TBC1D16: variants seen among roughly 807,000 people sequenced by gnomAD.
TBC1D16 encodes the protein CTD-2529O21.1.
A neutral mutation model predicts 74.7 loss-of-function variants in TBC1D16; 58 were observed. The ratio of observed to expected loss-of-function variants is 0.78; its 90% CI spans 0.63 to 0.97. TBC1D16 has a LOEUF of 0.97. Ranked by LOEUF, TBC1D16 falls within the 50% of genes least tolerant of loss-of-function variation. TBC1D16 has a pLI of 0.00. For synonymous variants in TBC1D16, 493 were observed against 474.7 expected (o/e 1.04, Z -0.50); for missense variants, 1,014 against 1,079.5 (o/e 0.94, Z 0.85).
At position 79,971,172 on chromosome 17, in the gene TBC1D16, A is replaced by G. The variant is rs2034086343; in HGVS notation, c.780-18354T>C. Among the ~76,000 whole-genome samples, 2 of 151,926 alleles carry G rather than the reference A, an allele frequency of 1.3e-5. No individual in the cohort carries two copies. The highest frequency in any genetic ancestry group is 6.6e-5 in the Admixed American group (1 of 15,254). On this transcript the variant is annotated intron_variant, in intron 3 of 11. Transcript: ENST00000310924. This position sits in a 1 kb window ranked among gnomAD's most constrained non-coding sequence, Gnocchi z 4.6. Reference sequence around the variant, plus strand: ...TGAGTAGCTGGGATTACAGGCGTGCACCACCAAGCCCGGCTAATTTGTGTA... The same window carrying G: ...TGAGTAGCTGGGATTACAGGCGTGCGCCACCAAGCCCGGCTAATTTGTGTA...
At chr17:80,033,615 C>T (rs577307422) in intron 1 of TBC1D16, among the ~76,000 whole-genome samples, 1 of 152,156 alleles carries the variant, frequency 6.6e-6, no homozygotes, top group Non-Finnish European at 1.5e-5. Flanking sequence ...TCAAGTGATT[C>T]TCCCAAAATA....
At chr17:79,943,916 CCT>C in intron 10 of TBC1D16, 1 of 1,416,120 alleles carries the variant, frequency 7.1e-7, no homozygotes, top group Non-Finnish European at 9.2e-7. Context: ...GGGAATGAAG[CCT>C]CTCAGACCGT....
At chr17:79,957,652 A>G (rs557520647) in intron 3 of TBC1D16, among the ~76,000 whole-genome samples, 2 of 152,212 alleles carry the variant, frequency 1.3e-5, no homozygotes, top group East Asian at 3.9e-4. Flanking sequence ...GTCCAGACCC[A>G]TAGGATGTAC....
At chr17:80,031,863 A>T (rs1455823746) in intron 1 of TBC1D16, among the ~76,000 whole-genome samples, 100 of 152,202 alleles carry the variant, frequency 6.6e-4, no homozygotes, top group Non-Finnish European at 1.0e-4. Context: ...GTGCCTGTAA[A>T]CATGGAGGCC....
In TBC1D16 at chr17:79,971,738, T is replaced by C. The variant is rs1696754; in HGVS notation, c.780-18920A>G. On this transcript the variant is annotated intron_variant, in intron 3 of 11. Transcript: ENST00000310924. This position sits in a 1 kb window ranked among gnomAD's most constrained non-coding sequence, Gnocchi z 4.6. ...GACCCACCAGGAGACATGGACCTCA[T>C]AGGAGGTGAGCTGAGGATGTGGATA... is the stretch of plus-strand genomic sequence containing the variant. Among the ~76,000 whole-genome samples, 117,589 of 152,060 alleles carry C rather than the reference T, an allele frequency of 0.77. 45,986 individuals carry two copies. Among genetic ancestry groups the C allele is most frequent in the East Asian group, 0.93 (4,838 of 5,186 alleles).
rs763206055 is a variant in TBC1D16 at position 79,950,515 on chromosome 17, C to CCTCGG, written c.1152_1153insCCGAG (p.Glu385ProfsTer23). 2 of 1,613,200 alleles carry CCTCGG rather than the reference C, an allele frequency of 1.2e-6. No individual in the cohort carries two copies. The highest frequency in any genetic ancestry group is 1.7e-6 in the Non-Finnish European group (2 of 1,179,898). ...TACATGCTCTCCTCGGGGTGCGTCT[C>CCTCGG]GGAGGACGGCAGCTTGGGGCGGCGG... On this transcript the variant is annotated frameshift_variant, in exon 6 of 12. Transcript: ENST00000310924. LOFTEE classifies it high-confidence loss of function. The surrounding 1 kb of genome is among the most constrained non-coding windows in gnomAD (Gnocchi z 4.6).
Position 80,007,917 on chromosome 17 carries a change from C to T in TBC1D16, c.779+2243G>A, listed in dbSNP as rs913540654. On this transcript the variant is annotated intron_variant, in intron 3 of 11. Coordinates refer to ENST00000310924, the MANE Select transcript of TBC1D16 (RefSeq NM_019020.4). The surrounding 1 kb of genome is among the most constrained non-coding windows in gnomAD (Gnocchi z 4.5). Reference sequence around the variant, plus strand: ...TTCATCCTGAAAATGATGGGCGGCCCCCGGTGGGTCCCAGGCAGAGGGACA... The same window carrying T: ...TTCATCCTGAAAATGATGGGCGGCCTCCGGTGGGTCCCAGGCAGAGGGACA... Among the ~76,000 whole-genome samples, 1 of 151,996 alleles carries T rather than the reference C, an allele frequency of 6.6e-6. No homozygotes were observed.
chr17:79,999,533 C>CTTTTTT (rs71163906), intron 3 of TBC1D16, among the ~76,000 whole-genome samples: 8 of 76,476 alleles, frequency 1.0e-4, no homozygotes, highest in African/African-American at 2.1e-4. Flanking sequence ...CCCCAAATTT[C>CTTTTTT]TTTTTTTTTT....
chr17:79,942,665 G>A (rs773258818), intron 10 of TBC1D16, among the ~76,000 whole-genome samples: 15 of 152,180 alleles, frequency 9.9e-5, no homozygotes, highest in Non-Finnish European at 1.8e-4. Flanking sequence ...CATGGAATGC[G>A]CCTCTGGCAG....
In TBC1D16 at chr17:79,944,058, G is replaced by T. The variant is rs913048292; in HGVS notation, c.1908+850C>A. 1 of 1,536,008 alleles carries T rather than the reference G, an allele frequency of 6.5e-7. No individual in the cohort carries two copies. Among genetic ancestry groups the T allele is most frequent in the African/African-American group, 1.4e-5 (1 of 73,164 alleles). On this transcript the variant is annotated intron_variant, in intron 10 of 11. Transcript: ENST00000310924. The surrounding 1 kb of genome is among the most constrained non-coding windows in gnomAD (Gnocchi z 7.7). ...ATGACCGCATGCAAAGGCGGCGTGT[G>T]GTACCGGCACTCGGTGGCTTCAGAC...
intron 1 of TBC1D16, among the ~76,000 whole-genome samples, chr17:80,024,575 GGC>G (rs1568648699): frequency 2.1e-3 from 73 of 35,116 alleles, no homozygotes; most frequent in Non-Finnish European, 2.1e-3. Flanking sequence ...ACACACCATA[GGC>G]ACACACACCA....
At chr17:80,031,999 G>A (rs2036791167) in intron 1 of TBC1D16, among the ~76,000 whole-genome samples, 2 of 152,214 alleles carry the variant, frequency 1.3e-5, no homozygotes, top group Admixed American at 6.5e-5. Flanking sequence ...AAGCATTTTA[G>A]TTACAGAAAA....
intron 9 of TBC1D16, among the ~76,000 whole-genome samples, chr17:79,946,503 G>A (rs1389717479): frequency 6.6e-6 from 1 of 152,216 alleles, no homozygotes; most frequent in African/African-American, 2.4e-5. Flanking sequence ...CATTCTATGA[G>A]ACACACTCCG....
At chr17:79,943,024 C>G (rs71389723) in intron 10 of TBC1D16, among the ~76,000 whole-genome samples, 3,738 of 152,322 alleles carry the variant, frequency 0.025, 69 homozygotes, top group Middle Eastern at 0.037. Context: ...TCCGGAGGCA[C>G]AGGAAGGACG....
Position 80,009,406 on chromosome 17 carries a change from C to T in TBC1D16, c.779+754G>A, listed in dbSNP as rs895354387. Among the ~76,000 whole-genome samples the T allele has an allele frequency of 1.3e-5, 2 of 152,192 alleles. No individual in the cohort carries two copies. Among genetic ancestry groups the T allele is most frequent in the East Asian group, 1.9e-4 (1 of 5,192 alleles). ...CTCACCCCAAGGCCATGAGGGCCCT[C>T]GTGGCACCATGCAACCCTCCCCACT... On this transcript the variant is annotated intron_variant, in intron 3 of 11. Coordinates refer to ENST00000310924, the MANE Select transcript of TBC1D16 (RefSeq NM_019020.4). The surrounding 1 kb of genome is among the most constrained non-coding windows in gnomAD (Gnocchi z 5.4).
intron 10 of TBC1D16, among the ~76,000 whole-genome samples, chr17:79,942,482 G>A (rs996940022): frequency 6.6e-6 from 1 of 150,752 alleles, no homozygotes; most frequent in African/African-American, 2.4e-5. Flanking sequence ...ACGGGCTGCT[G>A]CTGCTCTCCT....
At chr17:79,966,737 A>G (rs58886657) in intron 3 of TBC1D16, among the ~76,000 whole-genome samples, 22,558 of 152,212 alleles carry the variant, frequency 0.15, 2,096 homozygotes, top group African/African-American at 0.26. Flanking sequence ...TTGTTGATAC[A>G]AAAACCAGAC....
intron 9 of TBC1D16, among the ~76,000 whole-genome samples, chr17:79,945,351 C>T (rs2032435637): frequency 1.3e-5 from 2 of 152,154 alleles, no homozygotes; most frequent in Non-Finnish European, 2.9e-5. Flanking sequence ...GTGTTGTGCC[C>T]GGGCGTGGCA....
chr17:80,007,814 G>C lies in TBC1D16; in HGVS notation c.779+2346C>G, dbSNP rs369264239. ...ACGAACTTGGAGGTGTGCACAGTGG[G>C]GGGTGGGGAGGCAGGCAGCATCGCT... On this transcript the variant is annotated intron_variant, in intron 3 of 11. Transcript: ENST00000310924. The surrounding 1 kb of genome is among the most constrained non-coding windows in gnomAD (Gnocchi z 4.5). Among the ~76,000 whole-genome samples the C allele has an allele frequency of 1.1e-4, 16 of 152,276 alleles. No homozygotes were observed. The highest frequency in any genetic ancestry group is 6.2e-4 in the South Asian group (3 of 4,812).
Sources: allele counts gnomAD v4.1 joint callset (sites outside exome capture counted in the v4.1 genomes callset), GRCh38; gene constraint gnomAD v4.1.1; non-coding constraint Gnocchi (gnomAD v3.1); transcripts MANE v1.5; gene names NCBI Gene and HGNC (gene_info 2026-07-23, HGNC 2026-07-21).